The following TPPP variants were observed in gnomAD, a reference collection of about 807,000 sequenced individuals.
The protein encoded by TPPP is tubulin polymerization-promoting protein.
TPPP carries 6 observed loss-of-function variants against 15.5 expected under a neutral mutation model. The ratio of observed to expected loss-of-function variants is 0.39; its 90% CI spans 0.21 to 0.77. The LOEUF (loss-of-function observed/expected upper bound fraction) is 0.77. TPPP is among the 30% of genes least tolerant of loss of function. The pLI, the probability that TPPP is intolerant of heterozygous loss-of-function variation, is 0.42. For missense variants in TPPP, 269 were observed against 307.2 expected, an observed-to-expected ratio of 0.88 and a Z score of 0.93; for synonymous variants, 146 against 133.9, an observed-to-expected ratio of 1.09 and a Z score of -0.63.
intron 3 of TPPP, 51 bp downstream of exon 3, chr5:665,919 G>GGCCCCC: frequency 2.9e-6 from 1 of 344,042 alleles, no homozygotes; most frequent in Non-Finnish European, 4.0e-6. Context: ...CACCTTCCAG[G>GGCCCCC]CCCCGCCCCC....
In TPPP at chr5:664,974, G is replaced by A. The variant is rs558125705; in HGVS notation, c.*128C>T. On this transcript the variant is annotated 3_prime_UTR_variant, in exon 4 of 4. Coordinates refer to ENST00000360578, the MANE Select transcript of TPPP (RefSeq NM_007030.3). The stretch of plus-strand genomic sequence containing the variant: ...GCAGGAGGGAGGCCTGGGCCTGGCC[G>A]CCCCCCAGCCCCCTCTGGGGCACCC... The A allele has an allele frequency of 1.4e-4, 164 of 1,144,276 alleles. 1 individual carries two copies. The highest frequency in any genetic ancestry group is 6.5e-4 in the South Asian group (43 of 65,722). The allele number at this position is 1,144,276 out of a possible 1,614,324, so 70.9% of individuals were successfully genotyped here.
chr5:663,103 G>C lies in TPPP; in HGVS notation c.*1999C>G, dbSNP rs538701202. On this transcript the variant is annotated 3_prime_UTR_variant, in exon 4 of 4. Transcript: ENST00000360578. ...GCTTGTCTGTGATTGGGCGATTCCGGTGGCCGCTCGTCTGTGATCGGGCGA... is the reference window on the plus strand; with the variant it reads ...GCTTGTCTGTGATTGGGCGATTCCGCTGGCCGCTCGTCTGTGATCGGGCGA... 4 of 133,102 alleles carry C rather than the reference G, an allele frequency of 3.0e-5. No homozygotes were observed. In the Admixed American group the frequency reaches 3.0e-4, roughly 10 times the overall value. 8.2% of individuals were successfully genotyped at this position (133,102 alleles called of 1,614,324 possible). A position where few individuals can be genotyped will look rare whatever the true frequency, so the allele number is the denominator to read the frequency against.
chr5:673,847 C>T (rs1050731020), intron 2 of TPPP, among the ~76,000 whole-genome samples: 2 of 152,104 alleles, frequency 1.3e-5, no homozygotes, highest in African/African-American at 4.8e-5. Context: ...GGTGCCAGCA[C>T]CCCCACAAGC....
upstream of TPPP, among the ~76,000 whole-genome samples, chr5:697,045 CATGT>C (rs1741026463): frequency 2.2e-5 from 3 of 139,450 alleles, no homozygotes; most frequent in South Asian, 2.5e-4. Flanking sequence ...TCTTTGTGTG[CATGT>C]GTGTGTGTTT....
At position 665,272 on chromosome 5, in the gene TPPP, A is replaced by G; in HGVS notation, c.490T>C (p.Ser164Pro). The change falls in exon 4 of 4, where the codon TCG becomes CCG. Residue 164 changes from serine (S) to proline (P), a missense_variant. By Grantham distance (74) the Ser-to-Pro change is moderately conservative. Transcript: ENST00000360578. ...VTKAISSPTV[S>P]RLTDTTKFTG... Reference sequence around the variant, plus strand: ...AACTTGGTGGTGTCCGTGAGCCTCGACACTGTGGGCGACGAGATGGCTTTC... The same window carrying G: ...AACTTGGTGGTGTCCGTGAGCCTCGGCACTGTGGGCGACGAGATGGCTTTC... 6.2e-7 allele frequency: 1 copy of G among 1,613,550 alleles called. No individual in the cohort carries two copies. Among genetic ancestry groups the G allele is most frequent in the Non-Finnish European group, 8.5e-7 (1 of 1,179,844 alleles).
intron 1 of TPPP, among the ~76,000 whole-genome samples, chr5:678,489 C>T (rs998898680): frequency 1.4e-5 from 2 of 144,454 alleles, no homozygotes; most frequent in African/African-American, 5.8e-5. Flanking sequence ...CTCTGCAGCT[C>T]TGGAGGACAC....
chr5:666,346 C>T (rs1427224854), intron 2 of TPPP, among the ~76,000 whole-genome samples: 1 of 152,250 alleles, frequency 6.6e-6, no homozygotes, highest in African/African-American at 2.4e-5. Flanking sequence ...CTGCAGGCCG[C>T]TCTGACACAG....
chr5:677,738 C>T lies in TPPP; in HGVS notation c.311+12G>A. On this transcript the variant is annotated intron_variant, in intron 2 of 3. Transcript: ENST00000360578. ...AGTCAGGTCCCTCGGCCCGTGAGCC[C>T]AGCGCACTCACTTGATCTTGCTGAA... 1.3e-6 allele frequency: 2 copies of T among 1,543,434 alleles called. No individual in the cohort carries two copies. Among genetic ancestry groups the T allele is most frequent in the South Asian group, 2.5e-5 (2 of 81,100 alleles).
intron 1 of TPPP, 99 bp from the exon 2 acceptor site, chr5:678,163 G>A (rs1389185483): frequency 2.0e-5 from 26 of 1,313,972 alleles, no homozygotes; most frequent in African/African-American, 3.1e-5. Flanking sequence ...GCACCAGGAC[G>A]TGGCGAGGGC....
At chr5:668,914 G>A (rs1052176603) in intron 2 of TPPP, among the ~76,000 whole-genome samples, 2 of 152,180 alleles carry the variant, frequency 1.3e-5, no homozygotes, top group African/African-American at 4.8e-5. Flanking sequence ...AGCCAGGCAC[G>A]GAGGTGCCGC....
chr5:671,437 T>G (rs1740220370), intron 2 of TPPP, among the ~76,000 whole-genome samples: 1 of 151,994 alleles, frequency 6.6e-6, no homozygotes, highest in African/African-American at 2.4e-5. Flanking sequence ...AGGGCTTTGG[T>G]CTGTGCACCT....
intron 2 of TPPP, among the ~76,000 whole-genome samples, 194 bp downstream of exon 2, chr5:677,556 C>T (rs1345289873): frequency 1.3e-5 from 2 of 152,156 alleles, no homozygotes; most frequent in Non-Finnish European, 2.9e-5. Context: ...CGGCAATGCC[C>T]GGACCCCTGC....
chr5:677,243 C>T (rs1740482059), intron 2 of TPPP, among the ~76,000 whole-genome samples: 1 of 152,218 alleles, frequency 6.6e-6, no homozygotes, highest in Non-Finnish European at 1.5e-5. Context: ...TGGCCAGCTC[C>T]ATGCATGGGG....
Position 670,184 on chromosome 5 carries a change from C to CGGA in TPPP, c.312-4062_312-4061insTCC, listed in dbSNP as rs564208671. 3.3e-4 allele frequency among the ~76,000 whole-genome samples: 51 copies of CGGA among 152,290 alleles called. No individual in the cohort carries two copies. The East Asian group carries it at 8.7e-3, about 26-fold the overall frequency. ...CAGGACAGCCCTCCGAGGACTGAGG[C>CGGA]CTGTTCCTCCGGGGCGGACGTCACA... On this transcript the variant is annotated intron_variant, in intron 2 of 3. Transcript: ENST00000360578.
upstream of TPPP, among the ~76,000 whole-genome samples, chr5:697,076 ACGTG>A (rs935201636): frequency 1.4e-5 from 2 of 147,972 alleles, no homozygotes; most frequent in Non-Finnish European, 3.0e-5. Flanking sequence ...GTGTGTGTGC[ACGTG>A]CCTGTGTGTG....
At chr5:697,338 C>T (rs187110651), upstream of TPPP, among the ~76,000 whole-genome samples, 76 of 139,820 alleles carry the variant, frequency 5.4e-4, no homozygotes, top group South Asian at 2.5e-3. Context: ...ATTCTTAATA[C>T]GCCAGCCATC....
rs1740710567 is a variant in TPPP, at chr5:684,372, T to C, written c.-4-6308A>G. Among the ~76,000 whole-genome samples, 5 of 152,116 alleles carry C rather than the reference T, an allele frequency of 3.3e-5. No individual in the cohort carries two copies. In the South Asian group the frequency reaches 1.0e-3, roughly 32 times the overall value. On this transcript the variant is annotated intron_variant, in intron 1 of 3. Transcript: ENST00000360578. The stretch of plus-strand genomic sequence containing the variant: ...GAGAAAGTCTCCACTGCAGGGCGCC[T>C]CCTGGGCCCACGCCGTGTGGTCCTG...
At chr5:665,846 A>G (rs1314057834) in intron 3 of TPPP, 124 bp downstream of exon 3, 65 of 111,460 alleles carry the variant, frequency 5.8e-4, no homozygotes, top group Non-Finnish European at 8.7e-4. Context: ...GCCTCCCAGG[A>G]CCCCCCCCAG....
intron 1 of TPPP, chr5:692,920 G>T: frequency 3.3e-6 from 3 of 905,494 alleles, no homozygotes; most frequent in South Asian, 1.0e-4. Flanking sequence ...TCCCGAGCTG[G>T]GGAGGGTCTG....
Sources: gnomAD v4.1 joint callset for allele counts (sites outside exome capture counted in the v4.1 genomes callset) on GRCh38, gnomAD v4.1.1 for gene constraint, MANE v1.5 for transcripts, NCBI Gene and HGNC (gene_info 2026-07-23, HGNC 2026-07-21) for gene names.